CEP83: variants seen among roughly 807,000 people sequenced by gnomAD.
CEP83 encodes the protein centrosomal protein 83.
CEP83 carries 70 observed loss-of-function variants against 101.9 expected under a neutral mutation model. The observed-to-expected ratio is 0.69, with a 90% CI of 0.57 to 0.84. CEP83 has a LOEUF of 0.84. Ranked by LOEUF, CEP83 falls within the 40% of genes least tolerant of loss-of-function variation. CEP83 has a pLI of 0.00. For synonymous variants in CEP83, 264 were observed against 267.9 expected (o/e 0.99, Z 0.14); for missense variants, 715 against 787.2 (o/e 0.91, Z 1.10).
intron 6 of CEP83, among the ~76,000 whole-genome samples, chr12:94,387,279 A>T (rs2062204907): frequency 6.6e-6 from 1 of 152,142 alleles, no homozygotes. Context: ...CAGGTGAGCG[A>T]CCATTACTGC....
chr12:94,347,068 T>TATATATATATAC lies in CEP83; in HGVS notation c.1344-11405_1344-11404insGTATATATATAT, dbSNP rs561705061. ...ATAAACAAATATATATATATATATATACACATACACACACACACACACACA... is the reference window on the plus strand; with the variant it reads ...ATAAACAAATATATATATATATATATATATATATATACACACATACACACACACACACACACA... On this transcript the variant is annotated intron_variant, in intron 11 of 16. Coordinates refer to ENST00000397809, the MANE Select transcript of CEP83 (RefSeq NM_016122.3). Among the ~76,000 whole-genome samples, 519 of 147,460 alleles carry TATATATATATAC rather than the reference T, an allele frequency of 3.5e-3. 4 individuals are homozygous for TATATATATATAC. The highest frequency in any genetic ancestry group is 4.0e-3 in the Non-Finnish European group (264 of 66,832).
chr12:94,285,931 G>A, the CEP83 span, among the ~76,000 whole-genome samples: 1 of 152,194 alleles, frequency 6.6e-6, no homozygotes, highest in East Asian at 1.9e-4. Flanking sequence ...GGCATGGGGT[G>A]GGCCGCAGAG....
chr12:94,372,093 C>T (rs920405665), intron 8 of CEP83, among the ~76,000 whole-genome samples: 13 of 152,170 alleles, frequency 8.5e-5, no homozygotes, highest in African/African-American at 2.9e-4. Context: ...TCTGCCTCAG[C>T]CTCCTGAGTA....
chr12:94,343,882 A>G (rs981713162), intron 11 of CEP83, among the ~76,000 whole-genome samples: 1 of 152,214 alleles, frequency 6.6e-6, no homozygotes, highest in African/African-American at 2.4e-5. Flanking sequence ...ATATGACTAC[A>G]TTTCGAGATA....
At chr12:94,418,673 T>C (rs1432767859) in intron 2 of CEP83, among the ~76,000 whole-genome samples, 2 of 151,956 alleles carry the variant, frequency 1.3e-5, no homozygotes, top group African/African-American at 4.8e-5. Flanking sequence ...GAAATGGGAG[T>C]TGACTGCTTA....
chr12:94,423,957 C>T (rs1484517497), intron 2 of CEP83: 48 of 1,612,736 alleles, frequency 3.0e-5, no homozygotes, highest in Non-Finnish European at 3.7e-5. Context: ...GTAAGGGGTC[C>T]CATCATGGAG....
intron 11 of CEP83, among the ~76,000 whole-genome samples, chr12:94,341,643 T>C (rs2059693345): frequency 6.6e-6 from 1 of 152,178 alleles, no homozygotes; most frequent in Non-Finnish European, 1.5e-5. Context: ...TGAGGTCATT[T>C]ACACATTGTA....
At chr12:94,438,723 T>C (rs759400884) in intron 1 of CEP83, among the ~76,000 whole-genome samples, 5 of 152,156 alleles carry the variant, frequency 3.3e-5, no homozygotes, top group South Asian at 2.1e-4. Flanking sequence ...TACCCAACAA[T>C]TGCAGAATAT....
intron 2 of CEP83, among the ~76,000 whole-genome samples, chr12:94,429,086 T>C (rs2065422039): frequency 6.6e-6 from 1 of 152,194 alleles, no homozygotes; most frequent in Non-Finnish European, 1.5e-5. Flanking sequence ...GTGCACATAT[T>C]ACCTATACAA....
chr12:94,305,140 A>G (rs1457801632), downstream of CEP83: 1 of 1,364,108 alleles, frequency 7.3e-7, no homozygotes, highest in African/African-American at 1.5e-5. Flanking sequence ...TTGTAACGCT[A>G]AAACCACAAT....
At chr12:94,358,358 T>G (rs758167067) in intron 11 of CEP83, among the ~76,000 whole-genome samples, 49 of 151,850 alleles carry the variant, frequency 3.2e-4, no homozygotes, top group Admixed American at 3.1e-3. Flanking sequence ...GAAAAAAAAA[T>G]TGCAAGGTTT....
At position 94,424,213 on chromosome 12, in the gene CEP83, G is replaced by T. The variant is rs905343213; in HGVS notation, c.-102+11062C>A. The T allele has an allele frequency of 1.7e-5, 28 of 1,610,726 alleles. 2 individuals carry two copies. In the Admixed American group the frequency reaches 2.3e-4, roughly 13 times the overall value. On this transcript the variant is annotated intron_variant, in intron 2 of 16. Coordinates refer to ENST00000397809, the MANE Select transcript of CEP83 (RefSeq NM_016122.3). Reference sequence around the variant, plus strand: ...ACCCATTCTGAAGAGCTGTGGTGGGGTCATAGGTCAAGGCCATGATGCCCA... The same window carrying T: ...ACCCATTCTGAAGAGCTGTGGTGGGTTCATAGGTCAAGGCCATGATGCCCA...
intron 14 of CEP83, among the ~76,000 whole-genome samples, chr12:94,320,956 T>C (rs1257617512): frequency 6.6e-6 from 1 of 152,262 alleles, no homozygotes; most frequent in African/African-American, 2.4e-5. Flanking sequence ...GACAATATCC[T>C]GAAATATGTT....
intron 5 of CEP83, among the ~76,000 whole-genome samples, chr12:94,401,784 T>C (rs1173480699): frequency 6.6e-6 from 1 of 152,226 alleles, no homozygotes. Context: ...AAAGTTTTTA[T>C]TGAACTTGGT....
At chr12:94,355,770 C>A (rs1029925709) in intron 11 of CEP83, among the ~76,000 whole-genome samples, 4 of 152,232 alleles carry the variant, frequency 2.6e-5, no homozygotes, top group Non-Finnish European at 5.9e-5. Flanking sequence ...TAAAAGCATT[C>A]TTAAGCCACA....
chr12:94,309,941 G>A lies in CEP83; in HGVS notation c.1978C>T (p.Leu660=). 6.2e-7 allele frequency: 1 copy of A among 1,604,396 alleles called. No homozygotes were observed. Residue 660 remains leucine, a synonymous_variant, in exon 16 of 17, where the codon CTA becomes TTA. Transcript: ENST00000397809. ...ACCTGCATATGAGGAGGAAATGGTA[G>A]TTCCATGCTTGGAACCATGGCTGAT... ...QSSAMVPSME[L]PFPPHMQEEQ... is the part of the protein sequence containing the mutation.
chr12:94,304,080 C>G, downstream of CEP83: 1 of 1,328,292 alleles, frequency 7.5e-7, no homozygotes, highest in Non-Finnish European at 1.1e-6. Context: ...TTGTTTTTAA[C>G]CTTTGAATCA....
chr12:94,399,315 C>G (rs924749202), intron 6 of CEP83, among the ~76,000 whole-genome samples: 1 of 152,168 alleles, frequency 6.6e-6, no homozygotes, highest in Non-Finnish European at 1.5e-5. Context: ...TCTCAGCCGG[C>G]CAACACTTAC....
At chr12:94,270,785 A>G in the CEP83 span, among the ~76,000 whole-genome samples, 2 of 151,992 alleles carry the variant, frequency 1.3e-5, no homozygotes, top group Non-Finnish European at 2.9e-5. Context: ...TTTAAATGGA[A>G]AAAGGCTCTC....
Sources: allele counts gnomAD v4.1 joint callset (sites outside exome capture counted in the v4.1 genomes callset), GRCh38; gene constraint gnomAD v4.1.1; transcripts MANE v1.5; gene names NCBI Gene and HGNC (gene_info 2026-07-23, HGNC 2026-07-21).